The following TRAPPC9 variants were observed in gnomAD, a reference collection of about 807,000 sequenced individuals.
TRAPPC9 encodes IKK2 binding protein.
A neutral mutation model predicts 124.0 loss-of-function variants in TRAPPC9; 83 were observed. The observed-to-expected ratio is 0.67, with a 90% CI of 0.56 to 0.80. The LOEUF (loss-of-function observed/expected upper bound fraction) is 0.80. TRAPPC9 is among the 30% of genes least tolerant of loss of function. The pLI, the probability that TRAPPC9 is intolerant of heterozygous loss-of-function variation, is 0.00. For synonymous variants in TRAPPC9, 638 were observed against 617.5 expected, an observed-to-expected ratio of 1.03 and a Z score of -0.49; for missense variants, 1,302 against 1,508.3, an observed-to-expected ratio of 0.86 and a Z score of 2.27.
chr8:140,011,501 CTTTTTTTT>C (rs916485762), intron 18 of TRAPPC9, among the ~76,000 whole-genome samples: 2 of 114,650 alleles, frequency 1.7e-5, no homozygotes, highest in African/African-American at 8.6e-5. Flanking sequence ...AGAAGGCATA[CTTTTTTTT>C]TTTTTTTTTT....
At chr8:139,731,315 A>G in intron 22 of TRAPPC9, 87 bp from the exon 23 acceptor site, 1 of 1,516,372 alleles carries the variant, frequency 6.6e-7, no homozygotes, top group South Asian at 1.2e-5. Context: ...CTGCCTGGAC[A>G]TAGGTGTTAT....
chr8:139,946,759 T>C (rs1457560269), intron 19 of TRAPPC9, among the ~76,000 whole-genome samples: 3 of 150,520 alleles, frequency 2.0e-5, no homozygotes, highest in African/African-American at 7.4e-5. Context: ...GGCGGGTGGA[T>C]CACGAGGTCA....
intron 19 of TRAPPC9, among the ~76,000 whole-genome samples, chr8:139,937,355 C>T (rs376631432): frequency 6.6e-6 from 1 of 152,150 alleles, no homozygotes; most frequent in Non-Finnish European, 1.5e-5. Context: ...GCTGGGATTC[C>T]GTGTCATCCA....
chr8:139,907,697 T>TGGTA lies in TRAPPC9; in HGVS notation c.2964+2446_2964+2449dup, dbSNP rs1411289768. Among the ~76,000 whole-genome samples, 1 of 152,188 alleles carries TGGTA rather than the reference T, an allele frequency of 6.6e-6. No individual in the cohort carries two copies. Among genetic ancestry groups the TGGTA allele is most frequent in the East Asian group, 1.9e-4 (1 of 5,198 alleles). The stretch of plus-strand genomic sequence containing the variant: ...GTATGGGGCAGATGTGCTTGGCACA[T>TGGTA]GGTAGGCAATCAATAAATATGTGTT... On this transcript the variant is annotated intron_variant, in intron 20 of 22. Transcript: ENST00000438773. The surrounding 1 kb of genome is among the most constrained non-coding windows in gnomAD (Gnocchi z 4.7).
In TRAPPC9 at chr8:140,393,336, G is replaced by A. The variant is rs181785321; in HGVS notation, c.1134+4284C>T. Among the ~76,000 whole-genome samples the A allele has an allele frequency of 2.9e-3, 445 of 152,170 alleles. 2 individuals are homozygous for A. The highest frequency in any genetic ancestry group is 0.01 in the African/African-American group (431 of 41,510). On this transcript the variant is annotated intron_variant, in intron 7 of 22. Transcript: ENST00000438773. ...TGGCAACTTCAACCTAAATCTGGGGGGCCAAAGTCCATGCTTCTTCCACCT... is the reference window on the plus strand; with the variant it reads ...TGGCAACTTCAACCTAAATCTGGGGAGCCAAAGTCCATGCTTCTTCCACCT...
At chr8:140,358,205 T>G (rs1024728268) in intron 9 of TRAPPC9, among the ~76,000 whole-genome samples, 13 of 152,056 alleles carry the variant, frequency 8.5e-5, no homozygotes, top group African/African-American at 2.7e-4. Context: ...GTATACTAGG[T>G]TTCTTTCTTT....
intron 20 of TRAPPC9, among the ~76,000 whole-genome samples, chr8:139,903,951 A>C (rs940033927): frequency 6.6e-6 from 1 of 152,188 alleles, no homozygotes; most frequent in Non-Finnish European, 1.5e-5. Flanking sequence ...CGGAGGTTGC[A>C]GTGAACCTCT....
intron 18 of TRAPPC9, among the ~76,000 whole-genome samples, chr8:139,994,434 T>C (rs576446340): frequency 2.6e-5 from 4 of 152,318 alleles, no homozygotes; most frequent in East Asian, 1.9e-4. Flanking sequence ...CCATGCACTG[T>C]GCAGAGAGAC....
At chr8:139,798,887 C>T (rs895061454) in intron 21 of TRAPPC9, among the ~76,000 whole-genome samples, 12 of 152,188 alleles carry the variant, frequency 7.9e-5, no homozygotes, top group East Asian at 3.8e-4. Context: ...GTCAAGGTGT[C>T]GGCGGGGCTG....
At chr8:139,963,918 C>T (rs1835519945) in intron 19 of TRAPPC9, among the ~76,000 whole-genome samples, 1 of 152,100 alleles carries the variant, frequency 6.6e-6, no homozygotes, top group Non-Finnish European at 1.5e-5. Flanking sequence ...ACTTATGCAA[C>T]TATAAAAAAA....
chr8:139,853,206 G>A (rs959124059), intron 21 of TRAPPC9, among the ~76,000 whole-genome samples: 9 of 152,204 alleles, frequency 5.9e-5, no homozygotes, highest in East Asian at 1.9e-4. Context: ...CTCGGCTCCT[G>A]TAGCACATGG....
At chr8:139,859,553 A>G (rs1374279065) in intron 21 of TRAPPC9, among the ~76,000 whole-genome samples, 2 of 152,216 alleles carry the variant, frequency 1.3e-5, no homozygotes, top group Non-Finnish European at 2.9e-5. Context: ...CCATTCCAAA[A>G]AAGAGAATGA....
intron 21 of TRAPPC9, among the ~76,000 whole-genome samples, chr8:139,870,184 A>G (rs1158686890): frequency 2.0e-5 from 3 of 152,216 alleles, no homozygotes; most frequent in African/African-American, 7.2e-5. Flanking sequence ...TATTGATTAA[A>G]TGACTTGGGG....
intron 17 of TRAPPC9, among the ~76,000 whole-genome samples, chr8:140,062,641 A>G (rs1032515632): frequency 2.0e-5 from 3 of 152,052 alleles, no homozygotes; most frequent in Non-Finnish European, 4.4e-5. Context: ...GCCACCAGCC[A>G]CATTCCTGCT....
At chr8:140,413,509 CTT>C (rs200188588) in intron 5 of TRAPPC9, among the ~76,000 whole-genome samples, 23 of 136,874 alleles carry the variant, frequency 1.7e-4, no homozygotes, top group Admixed American at 4.4e-4. Context: ...AGAACAAAGT[CTT>C]TTTTTTTTTT....
intron 17 of TRAPPC9, among the ~76,000 whole-genome samples, chr8:140,080,694 C>T (rs1843766936): frequency 6.6e-6 from 1 of 152,202 alleles, no homozygotes. Context: ...CCCAACACTG[C>T]CATGCTGGCA....
chr8:139,747,511 T>C (rs1818986250), intron 21 of TRAPPC9, among the ~76,000 whole-genome samples: 1 of 92,724 alleles, frequency 1.1e-5, no homozygotes, highest in Non-Finnish European at 2.0e-5. Context: ...TCAGAGAAGA[T>C]GCAGGGGGTA....
At chr8:139,944,362 G>A (rs1457737908) in intron 19 of TRAPPC9, among the ~76,000 whole-genome samples, 2 of 152,110 alleles carry the variant, frequency 1.3e-5, no homozygotes, top group Non-Finnish European at 2.9e-5. Flanking sequence ...AAATACAGAT[G>A]ACTTCTTAAA....
chr8:140,069,385 G>A (rs567164876), intron 17 of TRAPPC9, among the ~76,000 whole-genome samples: 5 of 152,102 alleles, frequency 3.3e-5, no homozygotes, highest in Admixed American at 2.6e-4. Context: ...CACCTTAAAC[G>A]GCGGGGGTGG....
Sources: gnomAD v4.1 joint callset for allele counts (sites outside exome capture counted in the v4.1 genomes callset) on GRCh38, gnomAD v4.1.1 for gene constraint, Gnocchi (gnomAD v3.1) non-coding constraint, MANE v1.5 for transcripts, NCBI Gene and HGNC (gene_info 2026-07-23, HGNC 2026-07-21) for gene names.